Variants in PRPS1 observed in about 807,000 individuals in gnomAD.
The protein encoded by PRPS1 is ribose-phosphate pyrophosphokinase 1.
Under a neutral mutation model 16.9 loss-of-function variants are expected in PRPS1, and 1 was observed. The ratio of observed to expected loss-of-function variants is 0.06; its 90% CI spans 0.02 to 0.28. The LOEUF is 0.28. Ranked by LOEUF, PRPS1 falls within the 10% of genes least tolerant of loss-of-function variation. The probability of loss-of-function intolerance (pLI) is 1.00; values close to 1 mark genes in which losing one functional copy is unlikely to be tolerated. For missense variants in PRPS1, 47 were observed against 254.0 expected (o/e 0.19, Z 5.54); for synonymous variants, 70 against 90.2 (o/e 0.78, Z 1.27).
rs764808225 is a variant in PRPS1 at position 107,633,295 on chromosome X, G to T, written c.122+4545G>T. Reference sequence around the variant, plus strand: ...AAATTAGCTGGGCATGGTGGCAGACGCCTGTAGTCCCAGCTACTCGGGAGG... The same window carrying T: ...AAATTAGCTGGGCATGGTGGCAGACTCCTGTAGTCCCAGCTACTCGGGAGG... On this transcript the variant is annotated intron_variant, in intron 1 of 6. Coordinates refer to ENST00000372435, the MANE Select transcript of PRPS1 (RefSeq NM_002764.4). Among the ~76,000 whole-genome samples the T allele has an allele frequency of 5.5e-5, 6 of 108,871 alleles. No individual in the cohort carries two copies. In the East Asian group the frequency reaches 1.7e-3, roughly 32 times the overall value. The allele number at this position is 108,871 out of a possible 115,157, so 94.5% of individuals were successfully genotyped here.
intron 1 of PRPS1, chrX:107,630,356 C>T (rs1249628451): frequency 8.9e-6 from 1 of 112,104 alleles, no homozygotes; most frequent in African/African-American, 3.2e-5. Flanking sequence ...TTTATTTTCT[C>T]CTTGTGTTAA....
At chrX:107,641,559 T>C (rs1448030546) in intron 3 of PRPS1, among the ~76,000 whole-genome samples, 1 of 111,171 alleles carries the variant, frequency 9.0e-6, no homozygotes. Context: ...GGTTTCACCA[T>C]GTTGGCCAGG....
At chrX:107,636,334 G>A (rs1357686780) in intron 1 of PRPS1, among the ~76,000 whole-genome samples, 1 of 111,518 alleles carries the variant, frequency 9.0e-6, no homozygotes, top group Non-Finnish European at 1.9e-5. Flanking sequence ...TGCCAAGGTT[G>A]GTCTTGAAAT....
At chrX:107,647,156 GGGCAGA>G (rs1246215378) in intron 5 of PRPS1, among the ~76,000 whole-genome samples, 1 of 112,807 alleles carries the variant, frequency 8.9e-6, no homozygotes, top group Non-Finnish European at 1.9e-5. Context: ...GAGGTCACTA[GGGCAGA>G]GCCCTTACAA....
chrX:107,636,271 T>C (rs991135612), intron 1 of PRPS1, among the ~76,000 whole-genome samples: 2 of 109,921 alleles, frequency 1.8e-5, no homozygotes, highest in African/African-American at 6.6e-5. Flanking sequence ...TACAGATGCA[T>C]GTCCCCACGC....
At position 107,628,596 on chromosome X, in the gene PRPS1, C is replaced by T. The variant is rs776399830; in HGVS notation, c.-33C>T. On this transcript the variant is annotated 5_prime_UTR_variant, in exon 1 of 7. Coordinates refer to ENST00000372435, the MANE Select transcript of PRPS1 (RefSeq NM_002764.4). Reference sequence around the variant, plus strand: ...TTCCGGTCTCTGCAGCAGCCGTGATCGCTTAGTGGAGTGCTTAGGGTAGTT... The same window carrying T: ...TTCCGGTCTCTGCAGCAGCCGTGATTGCTTAGTGGAGTGCTTAGGGTAGTT... 1.7e-6 allele frequency: 2 copies of T among 1,209,582 alleles called. No homozygotes were observed. Among genetic ancestry groups the T allele is most frequent in the African/African-American group, 3.5e-5 (2 of 57,225 alleles).
At chrX:107,646,316 A>G (rs1481569672) in intron 5 of PRPS1, among the ~76,000 whole-genome samples, 2 of 110,020 alleles carry the variant, frequency 1.8e-5, no homozygotes, top group Non-Finnish European at 3.8e-5. Context: ...GAGTCCCACT[A>G]TGTTGCCCAG....
chrX:107,650,072 C>T lies in PRPS1; in HGVS notation c.*40C>T. 1 of 1,210,643 alleles carries T rather than the reference C, an allele frequency of 8.3e-7. No individual in the cohort carries two copies. Among genetic ancestry groups the T allele is most frequent in the Non-Finnish European group, 1.1e-6 (1 of 895,038 alleles). ...AGGCTTTTTGAGAATAAAATCCACC[C>T]CACCCTTGTTTCCCCTTGGTATTTG... On this transcript the variant is annotated 3_prime_UTR_variant, in exon 7 of 7. Transcript: ENST00000372435.
chrX:107,633,676 C>T (rs1021947805), intron 1 of PRPS1, among the ~76,000 whole-genome samples: 2 of 111,154 alleles, frequency 1.8e-5, no homozygotes, highest in Admixed American at 1.9e-4. Context: ...CCTGTAATTC[C>T]AGCACTTTGG....
intron 1 of PRPS1, among the ~76,000 whole-genome samples, chrX:107,637,285 A>G (rs1158908572): frequency 9.0e-6 from 1 of 111,490 alleles, no homozygotes; most frequent in Non-Finnish European, 1.9e-5. Flanking sequence ...GAGTACAGTT[A>G]ACACAGAATG....
At chrX:107,646,442 T>C (rs1925695630) in intron 5 of PRPS1, among the ~76,000 whole-genome samples, 1 of 111,730 alleles carries the variant, frequency 9.0e-6, no homozygotes, top group Non-Finnish European at 1.9e-5. Flanking sequence ...TAAACTTTCT[T>C]GTGTCTGTGC....
rs147425497 is a variant in PRPS1 at position 107,638,079 on chromosome X, C to T, written c.123-1216C>T. Among the ~76,000 whole-genome samples, 618 of 109,366 alleles carry T rather than the reference C, an allele frequency of 5.7e-3. 2 individuals carry two copies. The highest frequency in any genetic ancestry group is 0.019 in the African/African-American group (564 of 30,239). The allele number at this position is 109,366 out of a possible 115,157, so 95.0% of individuals were successfully genotyped here. A position where few individuals can be genotyped will look rare whatever the true frequency, so the allele number is the denominator to read the frequency against. ...TCAGCCTCCTGAGTAGCTGGGACTA[C>T]AGGTACCTGCCACCACACTCAGCTA... On this transcript the variant is annotated intron_variant, in intron 1 of 6. Coordinates refer to ENST00000372435, the MANE Select transcript of PRPS1 (RefSeq NM_002764.4).
intron 1 of PRPS1, among the ~76,000 whole-genome samples, chrX:107,631,121 A>G (rs182452681): frequency 1.5e-4 from 17 of 112,510 alleles, no homozygotes; most frequent in Non-Finnish European, 2.4e-4. Context: ...AGAATGTTTA[A>G]TACATTTATA....
intron 5 of PRPS1, among the ~76,000 whole-genome samples, chrX:107,645,671 GT>G (rs1925676579): frequency 9.0e-6 from 1 of 111,329 alleles, no homozygotes. Context: ...GATCATCAAA[GT>G]TTTTTGATCA....
intron 4 of PRPS1, among the ~76,000 whole-genome samples, chrX:107,644,041 G>A (rs776326643): frequency 8.9e-6 from 1 of 112,175 alleles, no homozygotes; most frequent in African/African-American, 3.2e-5. Context: ...TGACGGAGAT[G>A]GCACAGCGGA....
rs887672051 is a variant in PRPS1 at position 107,640,207 on chromosome X, C to T, written c.307-695C>T. Among the ~76,000 whole-genome samples the T allele has an allele frequency of 1.2e-3, 131 of 111,688 alleles. 1 individual carries two copies. The highest frequency in any genetic ancestry group is 3.9e-3 in the African/African-American group (119 of 30,905). ...TACAAAAGAAATTATCCAGGCGTGG[C>T]GCTGCGCGCCTGTAGTCCCAGCTAC... On this transcript the variant is annotated intron_variant, in intron 2 of 6. Transcript: ENST00000372435.
At position 107,650,169 on chromosome X, in the gene PRPS1, C is replaced by G. The variant is rs1126445; in HGVS notation, c.*137C>G. 2 of 1,079,022 alleles carry G rather than the reference C, an allele frequency of 1.9e-6. No homozygotes were observed. Among genetic ancestry groups the G allele is most frequent in the Non-Finnish European group, 2.5e-6 (2 of 802,948 alleles). 88.9% of individuals were successfully genotyped at this position (1,079,022 alleles called of 1,213,427 possible). On this transcript the variant is annotated 3_prime_UTR_variant, in exon 7 of 7. Transcript: ENST00000372435. The stretch of plus-strand genomic sequence containing the variant: ...ACATCCCACATCAGGTATATTAGAG[C>G]TTATCCGAACTGGGGAAAGACGGAT...
At chrX:107,630,062 C>CGA (rs1280667082) in intron 1 of PRPS1, 1 of 112,348 alleles carries the variant, frequency 8.9e-6, no homozygotes, top group East Asian at 2.8e-4. Flanking sequence ...AGCTTCTTCC[C>CGA]GAATTATTGT....
At chrX:107,636,921 T>C (rs774691877) in intron 1 of PRPS1, among the ~76,000 whole-genome samples, 34 of 111,996 alleles carry the variant, frequency 3.0e-4, no homozygotes, top group African/African-American at 1.0e-3. Flanking sequence ...TAGAGTGAGA[T>C]AGAAGTATGG....
Sources: allele counts gnomAD v4.1 joint callset (sites outside exome capture counted in the v4.1 genomes callset), GRCh38; gene constraint gnomAD v4.1.1; transcripts MANE v1.5; gene names NCBI Gene and HGNC (gene_info 2026-07-23, HGNC 2026-07-21).